CSMD1: variants seen among roughly 807,000 people sequenced by gnomAD.
The protein encoded by CSMD1 is CUB and sushi domain-containing protein 1.
CSMD1 carries 213 observed loss-of-function variants against 417.5 expected under a neutral mutation model. The observed-to-expected ratio is 0.51, with a 90% CI of 0.46 to 0.57. The LOEUF is 0.57. Ranked by LOEUF, CSMD1 falls within the 20% of genes least tolerant of loss-of-function variation. CSMD1 has a pLI of 0.00. For missense variants in CSMD1, 6,923 were observed against 4,529.7 expected, an observed-to-expected ratio of 1.53 and a Z score of -15.17; for synonymous variants, 2,862 against 1,736.8, an observed-to-expected ratio of 1.65 and a Z score of -16.11.
intron 7 of CSMD1, chr8:3,704,679 T>G (rs3739354): frequency 0.4 from 61,144 of 152,162 alleles, 12,736 homozygotes; most frequent in East Asian, 0.56. Context: ...GCCACGCCCC[T>G]TAATTTTCTT....
intron 50 of CSMD1, chr8:3,043,866 TA>T (rs1301386423): frequency 2.0e-5 from 3 of 152,420 alleles, no homozygotes; most frequent in Non-Finnish European, 4.4e-5. Context: ...TCTAATTAAA[TA>T]ATGTCATTCT....
intron 11 of CSMD1, among the ~76,000 whole-genome samples, chr8:3,481,678 C>T (rs1341456754): frequency 2.0e-5 from 3 of 152,134 alleles, no homozygotes; most frequent in African/African-American, 7.2e-5. Flanking sequence ...AAGAGAGAGG[C>T]AGAGGGAGAT....
At chr8:3,038,524 T>A (rs1038154737) in intron 50 of CSMD1, among the ~76,000 whole-genome samples, 1 of 152,188 alleles carries the variant, frequency 6.6e-6, no homozygotes, top group Non-Finnish European at 1.5e-5. Flanking sequence ...TTCTAAAACG[T>A]TCCTTAAAAT....
chr8:3,652,825 G>C (rs1386427474), intron 7 of CSMD1, among the ~76,000 whole-genome samples: 1 of 152,156 alleles, frequency 6.6e-6, no homozygotes, highest in Non-Finnish European at 1.5e-5. Flanking sequence ...GCAAGACTTT[G>C]TTTTGCTCAC....
At chr8:4,868,168 A>T (rs1457695148) in intron 1 of CSMD1, among the ~76,000 whole-genome samples, 1 of 152,134 alleles carries the variant, frequency 6.6e-6, no homozygotes, top group African/African-American at 2.4e-5. Context: ...AGAATTAAAT[A>T]AATTTACATA....
At chr8:3,534,324 G>A (rs1374842129) in intron 10 of CSMD1, among the ~76,000 whole-genome samples, 5 of 151,810 alleles carry the variant, frequency 3.3e-5, no homozygotes, top group Admixed American at 2.6e-4. Context: ...TAAGCTCCTT[G>A]GAGACCTGTT....
intron 3 of CSMD1, among the ~76,000 whole-genome samples, chr8:4,072,652 A>C (rs2130784431): frequency 6.6e-6 from 1 of 152,328 alleles, no homozygotes; most frequent in East Asian, 1.9e-4. Flanking sequence ...TGATTAAGGA[A>C]GGCTTCCCCT....
intron 5 of CSMD1, among the ~76,000 whole-genome samples, chr8:3,972,799 T>C (rs951779595): frequency 7.2e-5 from 11 of 152,242 alleles, no homozygotes; most frequent in African/African-American, 2.7e-4. Flanking sequence ...GGAATCTATT[T>C]TATGGGAATA....
chr8:4,944,733 A>C (rs1409811880), intron 1 of CSMD1, among the ~76,000 whole-genome samples: 1 of 152,158 alleles, frequency 6.6e-6, no homozygotes, highest in Non-Finnish European at 1.5e-5. Flanking sequence ...GAAATAAATC[A>C]ATAAAAACAA....
chr8:4,047,397 A>T (rs1414906438), intron 3 of CSMD1, among the ~76,000 whole-genome samples: 1 of 152,204 alleles, frequency 6.6e-6, no homozygotes, highest in Non-Finnish European at 1.5e-5. Flanking sequence ...AAACTCAGGA[A>T]ATATTGCGGA....
At chr8:3,543,612 T>C (rs987348254) in intron 10 of CSMD1, among the ~76,000 whole-genome samples, 3 of 151,122 alleles carry the variant, frequency 2.0e-5, no homozygotes, top group African/African-American at 7.3e-5. Context: ...TAAATATAAG[T>C]ATAATAATTT....
rs1563063123 is a variant in CSMD1, at chr8:4,331,062, ATT to A, written c.415+88889_415+88890del. 5.3e-5 allele frequency among the ~76,000 whole-genome samples: 8 copies of A among 152,290 alleles called. No homozygotes were observed. In the South Asian group the frequency reaches 1.7e-3, roughly 32 times the overall value. ...CAGATTCAATAACTATTTCTTCATA[ATT>A]TTTGTTTCTTATTCTCCAATATGCA... On this transcript the variant is annotated intron_variant, in intron 3 of 69. Transcript: ENST00000635120.
At chr8:4,265,861 C>T (rs113683399) in intron 3 of CSMD1, among the ~76,000 whole-genome samples, 1 of 104,568 alleles carries the variant, frequency 9.6e-6, no homozygotes, top group African/African-American at 2.6e-5. Flanking sequence ...TCTATAGGTC[C>T]ATGGTGTCCC....
At chr8:4,189,118 A>C (rs1647306) in intron 3 of CSMD1, among the ~76,000 whole-genome samples, 17,828 of 152,242 alleles carry the variant, frequency 0.12, 1,323 homozygotes, top group East Asian at 0.24. Context: ...GTTTACTCAA[A>C]CATGCCCTGT....
At chr8:4,341,101 T>C (rs375391964) in intron 3 of CSMD1, among the ~76,000 whole-genome samples, 1 of 152,082 alleles carries the variant, frequency 6.6e-6, no homozygotes, top group Non-Finnish European at 1.5e-5. Context: ...AATAGAGATA[T>C]CTCATTTCCA....
At chr8:4,219,651 G>A (rs886267488) in intron 3 of CSMD1, among the ~76,000 whole-genome samples, 2 of 152,156 alleles carry the variant, frequency 1.3e-5, no homozygotes, top group African/African-American at 4.8e-5. Flanking sequence ...GTTCACTAAT[G>A]AAGAGTGAGA....
At chr8:4,321,368 C>A (rs1585227677) in intron 3 of CSMD1, among the ~76,000 whole-genome samples, 1 of 152,118 alleles carries the variant, frequency 6.6e-6, no homozygotes, top group Admixed American at 6.6e-5. Context: ...GCAGTTAAAG[C>A]ATAAGAACGG....
intron 3 of CSMD1, among the ~76,000 whole-genome samples, chr8:4,059,165 A>C (rs1267736800): frequency 2.0e-5 from 3 of 152,198 alleles, no homozygotes; most frequent in Non-Finnish European, 4.4e-5. Flanking sequence ...ACTACACAGA[A>C]ACTGAACAAC....
At chr8:3,940,836 A>G (rs752785624) in intron 5 of CSMD1, among the ~76,000 whole-genome samples, 1 of 151,884 alleles carries the variant, frequency 6.6e-6, no homozygotes, top group East Asian at 1.9e-4. Context: ...AACTTAACCC[A>G]AGAAGTTTAT....
Sources: gnomAD v4.1 joint callset for allele counts (sites outside exome capture counted in the v4.1 genomes callset) on GRCh38, gnomAD v4.1.1 for gene constraint, MANE v1.5 for transcripts, NCBI Gene and HGNC (gene_info 2026-07-23, HGNC 2026-07-21) for gene names.